DUSP7: variants seen among roughly 807,000 people sequenced by gnomAD.
DUSP7 encodes the protein dual specificity protein phosphatase 7.
In DUSP7, 7 loss-of-function variants were observed where a neutral mutation model predicts 29.8. The observed-to-expected ratio is 0.24, with a 90% CI of 0.13 to 0.44. DUSP7 has a LOEUF of 0.44. Among genes scored for constraint, DUSP7 ranks in the 20% least tolerant of loss-of-function variants. DUSP7 has a pLI of 1.00. For synonymous variants in DUSP7, 287 were observed against 275.4 expected (o/e 1.04, Z -0.42); for missense variants, 400 against 583.7 (o/e 0.69, Z 3.24).
Position 52,050,800 on chromosome 3 carries a change from C to T in DUSP7, c.*15G>A, listed in dbSNP as rs1296761703. On this transcript the variant is annotated 3_prime_UTR_variant, in exon 3 of 3. Transcript: ENST00000495880. The surrounding 1 kb of genome is among the most constrained non-coding windows in gnomAD (Gnocchi z 5.0). Reference sequence around the variant, plus strand: ...CGAGCAGGGGCCTGGTGCCATGCCCCCCGTGCACCAGGCCTCACGTGGACT... The same window carrying T: ...CGAGCAGGGGCCTGGTGCCATGCCCTCCGTGCACCAGGCCTCACGTGGACT... 5.6e-6 allele frequency: 9 copies of T among 1,602,816 alleles called. No homozygotes were observed. The South Asian group carries it at 8.9e-5, about 16-fold the overall frequency.
chr3:52,054,178 T>C lies in DUSP7; in HGVS notation c.714A>G (p.Pro238=). ...SATESDGSPV[P]SSQPAFPVQI... ...GGACAGGGAAGGCTGGTTGGCTGGA[T>C]GGCACAGGGCTGCCGTCTGACTCGG... is the stretch of plus-strand genomic sequence containing the variant. The change falls in exon 2 of 3, where the codon CCA becomes CCG. Residue 238 remains proline (P), a synonymous_variant. Coordinates refer to ENST00000495880, the MANE Select transcript of DUSP7 (RefSeq NM_001947.4). This position sits in a 1 kb window ranked among gnomAD's most constrained non-coding sequence, Gnocchi z 4.1. 7 of 1,613,786 alleles carry C rather than the reference T, an allele frequency of 4.3e-6. No individual in the cohort carries two copies. The highest frequency in any genetic ancestry group is 5.9e-6 in the Non-Finnish European group (7 of 1,179,888).
rs994519599 is a variant in DUSP7, at chr3:52,051,187, AGGTGGGGCT to A, written c.953-74_953-66del. 6.5e-7 allele frequency: 1 copy of A among 1,532,324 alleles called. No homozygotes were observed. The highest frequency in any genetic ancestry group is 1.4e-5 in the African/African-American group (1 of 73,454). The allele number at this position is 1,532,324 out of a possible 1,614,324, so 94.9% of individuals were successfully genotyped here. On this transcript the variant is annotated intron_variant, in intron 2 of 2. Transcript: ENST00000495880. The surrounding 1 kb of genome is among the most constrained non-coding windows in gnomAD (Gnocchi z 4.8). Reference sequence around the variant, plus strand: ...AAGGAGCCTTCCCACATGGGTGGGCAGGTGGGGCTGGGGCACAGAGGGCAGCATGGTGGC... The same window carrying A: ...AAGGAGCCTTCCCACATGGGTGGGCAGGGGCACAGAGGGCAGCATGGTGGC...
In DUSP7 at chr3:52,055,923, G is replaced by A. The variant is rs371660097; in HGVS notation, c.444C>T (p.Gly148=). 3.9e-3 allele frequency: 6,074 copies of A among 1,541,910 alleles called. 25 individuals carry two copies. The highest frequency in any genetic ancestry group is 4.5e-3 in the Admixed American group (229 of 51,068). Residue 148 remains glycine, a synonymous_variant, in exon 1 of 3, where the codon GGC becomes GGT. Transcript: ENST00000495880. ...GCAGGCCGAGCACGGAGGCGGGAGC[G>A]CCGGGCTCGGGCTGCCACTCGGCCG... ...EATAEWQPEP[G]APASVLGLLL...
chr3:52,053,922 CCAGCACA>C lies in DUSP7; in HGVS notation c.952+11_952+17del, dbSNP rs1701871171. The C allele has an allele frequency of 6.2e-7, 1 of 1,614,026 alleles. No homozygotes were observed. The highest frequency in any genetic ancestry group is 2.2e-5 in the East Asian group (1 of 44,880). On this transcript the variant is annotated intron_variant, in intron 2 of 2. Transcript: ENST00000495880. This position sits in a 1 kb window ranked among gnomAD's most constrained non-coding sequence, Gnocchi z 4.6. ...CCTTGATGCACCCACACCCCCCTGC[CCAGCACA>C]CAGCACCTACCAATGAAGCTGATGG...
rs1302764403 is a variant in DUSP7 at position 52,054,643 on chromosome 3, C to T, written c.518-269G>A. 6.6e-6 allele frequency among the ~76,000 whole-genome samples: 1 copy of T among 152,246 alleles called. No homozygotes were observed. The highest frequency in any genetic ancestry group is 1.5e-5 in the Non-Finnish European group (1 of 68,046). On this transcript the variant is annotated intron_variant, in intron 1 of 2. Coordinates refer to ENST00000495880, the MANE Select transcript of DUSP7 (RefSeq NM_001947.4). This position sits in a 1 kb window ranked among gnomAD's most constrained non-coding sequence, Gnocchi z 4.1. ...GGTACCCATAACACTTCGGGGCCCC[C>T]AGCCATGGCACCAGCTTTAGGGCAC...
rs369331933 is a variant in DUSP7, at chr3:52,051,148, G to T, written c.953-26C>A. 2.9e-4 allele frequency: 465 copies of T among 1,582,820 alleles called. 1 individual carries two copies. The highest frequency in any genetic ancestry group is 3.9e-4 in the Non-Finnish European group (454 of 1,166,082). The stretch of plus-strand genomic sequence containing the variant: ...CTGAAACACATTGGCATGGGTCAGG[G>T]AGGTGCCTCCTTCAAGGAGCCTTCC... On this transcript the variant is annotated intron_variant, in intron 2 of 2. Coordinates refer to ENST00000495880, the MANE Select transcript of DUSP7 (RefSeq NM_001947.4). The surrounding 1 kb of genome is among the most constrained non-coding windows in gnomAD (Gnocchi z 4.8).
chr3:52,056,222 C>T lies in DUSP7; in HGVS notation c.145G>A (p.Ala49Thr). 2 of 1,427,628 alleles carry T rather than the reference C, an allele frequency of 1.4e-6. No individual in the cohort carries two copies. Among genetic ancestry groups the T allele is most frequent in the Non-Finnish European group, 1.8e-6 (2 of 1,096,382 alleles). The allele number at this position is 1,427,628 out of a possible 1,614,324, so 88.4% of individuals were successfully genotyped here. A position where few individuals can be genotyped will look rare whatever the true frequency, so the allele number is the denominator to read the frequency against. The change falls in exon 1 of 3, where the codon GCA (alanine) becomes ACA (threonine). Residue 49 changes from alanine (A) to threonine (T), a missense_variant. Ala to Thr is a moderately conservative substitution (Grantham distance 58). Transcript: ENST00000495880. The surrounding 1 kb of genome is among the most constrained non-coding windows in gnomAD (Gnocchi z 6.4). ...GCGCTCTTGCAGGGCATGGCCCCTGCCCCCGTCGCCGCGCCCGCCCCGGTG... is the reference window on the plus strand; with the variant it reads ...GCGCTCTTGCAGGGCATGGCCCCTGTCCCCGTCGCCGCGCCCGCCCCGGTG... ...AGTGAGAATG[A>T]GAMPCKSAEW...
At position 52,056,145 on chromosome 3, in the gene DUSP7, C is replaced by G. The variant is rs1701898457; in HGVS notation, c.222G>C (p.Leu74=). 1.1e-5 allele frequency: 17 copies of G among 1,599,954 alleles called. No individual in the cohort carries two copies. The highest frequency in any genetic ancestry group is 1.4e-5 in the Non-Finnish European group (16 of 1,177,804). The change falls in exon 1 of 3, where the codon CTG becomes CTC. Residue 74 remains leucine (L), a synonymous_variant. Transcript: ENST00000495880. This position sits in a 1 kb window ranked among gnomAD's most constrained non-coding sequence, Gnocchi z 6.4. ...LEARGGASLL[L]LDCRPHELFE... is the part of the protein sequence containing the mutation. ...AGAGCTCGTGCGGCCGGCAGTCGAG[C>G]AGCAGCAAGGACGCGCCGCCGCGCG... is the stretch of plus-strand genomic sequence containing the variant.
chr3:52,055,804 C>T, intron 1 of DUSP7, 46 bp downstream of exon 1: 2 of 1,476,992 alleles, frequency 1.4e-6, no homozygotes, highest in Non-Finnish European at 8.9e-7. Flanking sequence ...GTCAGGGAGT[C>T]GCGGGGGGGC....
rs1017883148 is a variant in DUSP7, at chr3:52,056,433, G to C, written c.-67C>G. 12 of 885,990 alleles carry C rather than the reference G, an allele frequency of 1.4e-5. No homozygotes were observed. Among genetic ancestry groups the C allele is most frequent in the African/African-American group, 1.8e-5 (1 of 54,710 alleles). The allele number at this position is 885,990 out of a possible 1,614,324, so 54.9% of individuals were successfully genotyped here. A position where few individuals can be genotyped will look rare whatever the true frequency, so the allele number is the denominator to read the frequency against. On this transcript the variant is annotated 5_prime_UTR_variant, in exon 1 of 3. Transcript: ENST00000495880. This position sits in a 1 kb window ranked among gnomAD's most constrained non-coding sequence, Gnocchi z 6.4. ...CCCTGGGACGGCGCCCCGGCCGCGC[G>C]GGCCCCAGCCGCGTCTCCGGGCGCC...
chr3:52,056,271 A>C lies in DUSP7; in HGVS notation c.96T>G (p.Gly32=), dbSNP rs1701899820. The C allele has an allele frequency of 3.8e-6, 5 of 1,308,008 alleles. No homozygotes were observed. The East Asian group carries it at 1.3e-4, about 34-fold the overall frequency. The allele number at this position is 1,308,008 out of a possible 1,614,324, so 81.0% of individuals were successfully genotyped here. A position where few individuals can be genotyped will look rare whatever the true frequency, so the allele number is the denominator to read the frequency against. ...AGGTRAGSEP[G]AGSGSGAGTG... ...TGCCTGCGCCGGACCCCGACCCCGC[A>C]CCGGGCTCGGACCCCGCCCGGGTGC... Residue 32 remains glycine (G), a synonymous_variant, in exon 1 of 3, where the codon GGT becomes GGG. Transcript: ENST00000495880. This position sits in a 1 kb window ranked among gnomAD's most constrained non-coding sequence, Gnocchi z 6.4.
chr3:52,056,472 G>T lies in DUSP7; in HGVS notation c.-106C>A. The T allele has an allele frequency of 1.9e-6, 1 of 539,298 alleles. No homozygotes were observed. Among genetic ancestry groups the T allele is most frequent in the Non-Finnish European group, 2.4e-6 (1 of 425,316 alleles). The allele number at this position is 539,298 out of a possible 1,614,324, so 33.4% of individuals were successfully genotyped here. A position where few individuals can be genotyped will look rare whatever the true frequency, so the allele number is the denominator to read the frequency against. On this transcript the variant is annotated 5_prime_UTR_variant, in exon 1 of 3. Transcript: ENST00000495880. This position sits in a 1 kb window ranked among gnomAD's most constrained non-coding sequence, Gnocchi z 6.4. ...TCTCCGGGCGCCCGCCTCCCGCCGA[G>T]CTGCGCGCCCGCCGCCCCGGCCTCC...
chr3:52,052,874 G>A (rs1701859491), intron 2 of DUSP7: 1 of 152,418 alleles, frequency 6.6e-6, no homozygotes, highest in South Asian at 2.1e-4. Context: ...CTTGACCCAG[G>A]GGGTGGTGGG....
chr3:52,052,694 C>T (rs1298824452), intron 2 of DUSP7: 1 of 152,322 alleles, frequency 6.6e-6, no homozygotes, highest in African/African-American at 2.4e-5. Context: ...GGCCTCAATT[C>T]CTTCACTTGT....
Position 52,053,284 on chromosome 3 carries a change from C to T in DUSP7, c.952+656G>A, listed in dbSNP as rs1474975942. 1 of 154,346 alleles carries T rather than the reference C, an allele frequency of 6.5e-6. No homozygotes were observed. Among genetic ancestry groups the T allele is most frequent in the Non-Finnish European group, 1.4e-5 (1 of 69,376 alleles). The allele number at this position is 154,346 out of a possible 1,614,324, so 9.6% of individuals were successfully genotyped here. On this transcript the variant is annotated intron_variant, in intron 2 of 2. Coordinates refer to ENST00000495880, the MANE Select transcript of DUSP7 (RefSeq NM_001947.4). This position sits in a 1 kb window ranked among gnomAD's most constrained non-coding sequence, Gnocchi z 4.6. ...CAGTGGGGACCCGAGTCTGCTGAGG[C>T]TGGGGATACAGGGACTCGAAGGGCA...
chr3:52,052,642 C>A (rs1305694778), intron 2 of DUSP7: 2 of 152,388 alleles, frequency 1.3e-5, no homozygotes, highest in African/African-American at 4.8e-5. Flanking sequence ...CAGGGTGTAG[C>A]TGGTGACTGA....
At chr3:52,055,810 G>A in intron 1 of DUSP7, 40 bp downstream of exon 1, 2 of 1,485,860 alleles carry the variant, frequency 1.3e-6, no homozygotes. Context: ...GAGTCGCGGG[G>A]GGGCCCCGAT....
rs1312228792 is a variant in DUSP7 at position 52,053,005 on chromosome 3, C to T, written c.952+935G>A. ...CAGTAAGCGGATGAGGCGGGGAAGC[C>T]TCCCACTTCCTGTTGTTAAAGCTAG... is the stretch of plus-strand genomic sequence containing the variant. On this transcript the variant is annotated intron_variant, in intron 2 of 2. Coordinates refer to ENST00000495880, the MANE Select transcript of DUSP7 (RefSeq NM_001947.4). The surrounding 1 kb of genome is among the most constrained non-coding windows in gnomAD (Gnocchi z 4.6). 2 of 152,368 alleles carry T rather than the reference C, an allele frequency of 1.3e-5. No individual in the cohort carries two copies. Among genetic ancestry groups the T allele is most frequent in the African/African-American group, 2.4e-5 (1 of 41,444 alleles). The allele number at this position is 152,368 out of a possible 1,614,324, so 9.4% of individuals were successfully genotyped here. A position where few individuals can be genotyped will look rare whatever the true frequency, so the allele number is the denominator to read the frequency against.
chr3:52,055,837 G>A lies in DUSP7; in HGVS notation c.517+13C>T, dbSNP rs1701895447. Reference sequence around the variant, plus strand: ...GGCCCCGATCCCGTAAGGCGTCTCGGTGCCGCCCTCACCTTGGAGGTAGTA... The same window carrying A: ...GGCCCCGATCCCGTAAGGCGTCTCGATGCCGCCCTCACCTTGGAGGTAGTA... On this transcript the variant is annotated intron_variant, in intron 1 of 2. Transcript: ENST00000495880. The A allele has an allele frequency of 6.5e-7, 1 of 1,527,740 alleles. No individual in the cohort carries two copies. Among genetic ancestry groups the A allele is most frequent in the African/African-American group, 1.4e-5 (1 of 72,360 alleles). The allele number at this position is 1,527,740 out of a possible 1,614,324, so 94.6% of individuals were successfully genotyped here. A position where few individuals can be genotyped will look rare whatever the true frequency, so the allele number is the denominator to read the frequency against.
Sources: gnomAD v4.1 joint callset for allele counts (sites outside exome capture counted in the v4.1 genomes callset) on GRCh38, gnomAD v4.1.1 for gene constraint, Gnocchi (gnomAD v3.1) non-coding constraint, MANE v1.5 for transcripts, NCBI Gene and HGNC (gene_info 2026-07-23, HGNC 2026-07-21) for gene names.